The following TASOR2 variants were observed in gnomAD, a reference collection of about 807,000 sequenced individuals.
TASOR2 encodes protein TASOR 2.
In TASOR2, 84 loss-of-function variants were observed where a neutral mutation model predicts 199.5. The observed-to-expected ratio is 0.42, with a 90% CI of 0.35 to 0.50. The LOEUF (loss-of-function observed/expected upper bound fraction) is 0.50, where lower values mean the gene tolerates loss of function less well. Ranked by LOEUF, TASOR2 falls within the 20% of genes least tolerant of loss-of-function variation. The probability of loss-of-function intolerance (pLI) is 0.02; values close to 1 mark genes in which losing one functional copy is unlikely to be tolerated. For synonymous variants in TASOR2, 1,103 were observed against 1,046.6 expected (o/e 1.05, Z -1.04); for missense variants, 2,796 against 2,835.9 (o/e 0.99, Z 0.32).
intron 17 of TASOR2, among the ~76,000 whole-genome samples, chr10:5,758,051 C>T (rs1839225824): frequency 6.6e-6 from 1 of 152,178 alleles, no homozygotes; most frequent in Admixed American, 6.5e-5. Flanking sequence ...GTCAACACCC[C>T]TACCATCTTG....
intron 11 of TASOR2, 38 bp from the exon 13 acceptor site, chr10:5,735,266 C>T (rs1348104428): frequency 6.3e-7 from 1 of 1,599,390 alleles, no homozygotes; most frequent in Admixed American, 1.8e-5. Flanking sequence ...GTATCTGGGC[C>T]CCTACCCCTT....
chr10:5,747,582 C>T (rs775324852), exon 15 of TASOR2: 4 of 1,614,110 alleles, frequency 2.5e-6, no homozygotes, highest in South Asian at 2.2e-5. Context: ...TTAATGTGAC[C>T]TCTGATTTTC....
In TASOR2 at chr10:5,730,353, A is replaced by G. The variant is rs1165074828; in HGVS notation, c.488-134A>G. ...ACCTCTAAGTCTTCTATTAATTGCC[A>G]TTTAGGTTGTCATTTGAAATACTAT... On this transcript the variant is annotated intron_variant, in intron 10 of 20. Coordinates refer to ENST00000328090, the Ensembl canonical transcript of TASOR2. This position sits in a 1 kb window ranked among gnomAD's most constrained non-coding sequence, Gnocchi z 4.1. 3 of 653,678 alleles carry G rather than the reference A, an allele frequency of 4.6e-6. No homozygotes were observed. Among genetic ancestry groups the G allele is most frequent in the Non-Finnish European group, 7.6e-6 (3 of 396,722 alleles). The allele number at this position is 653,678 out of a possible 1,614,324, so 40.5% of individuals were successfully genotyped here. A position where few individuals can be genotyped will look rare whatever the true frequency, so the allele number is the denominator to read the frequency against.
chr10:5,759,600 G>C (rs1588939259), intron 18 of TASOR2, among the ~76,000 whole-genome samples: 1 of 152,210 alleles, frequency 6.6e-6, no homozygotes, highest in Non-Finnish European at 1.5e-5. Context: ...TTTTCATTCA[G>C]ACTTCATCCC....
intron 17 of TASOR2, 105 bp from the exon 19 acceptor site, chr10:5,758,782 T>TA: frequency 1.3e-6 from 1 of 774,044 alleles, no homozygotes; most frequent in Non-Finnish European, 2.1e-6. Context: ...CCATGGGTCT[T>TA]AGTCTGTTTT....
chr10:5,726,252 C>T (rs1834049713), intron 8 of TASOR2, among the ~76,000 whole-genome samples: 2 of 152,136 alleles, frequency 1.3e-5, no homozygotes, highest in Non-Finnish European at 2.9e-5. Context: ...AAAACTGCCC[C>T]AGTTACTGAA....
Position 5,749,240 on chromosome 10 carries a change from C to T in TASOR2, c.5819C>T (p.Thr1940Ile), listed in dbSNP as rs371950969. ...AAAGAACTCAAAGATACCATGAGAA[C>T]TTCACACGGCCTGAGGAGGCACCCG... The change falls in exon 15 of 21, where the codon ACT becomes ATT. Residue 1940 changes from threonine to isoleucine, a missense_variant. Thr to Ile is a moderately conservative substitution (Grantham distance 89). Around this residue, in one of 3 missense-constraint regions of TASOR2, gnomAD observed 1,941 missense variants for 1,924.9 expected, o/e 1.01. Transcript: ENST00000328090. The T allele has an allele frequency of 3.4e-5, 55 of 1,614,220 alleles. No individual in the cohort carries two copies. The East Asian group carries it at 7.8e-4, about 23-fold the overall frequency.
intron 1 of TASOR2, among the ~76,000 whole-genome samples, chr10:5,700,393 C>T (rs934496068): frequency 1.3e-5 from 2 of 151,914 alleles, no homozygotes; most frequent in Non-Finnish European, 2.9e-5. Context: ...GCAGTAAATA[C>T]GGGAGTGCAG....
chr10:5,741,946 C>G, intron 13 of TASOR2, 151 bp from the exon 15 acceptor site: 1 of 679,280 alleles, frequency 1.5e-6, no homozygotes, highest in Non-Finnish European at 2.5e-6. Context: ...GTTAAGTCAA[C>G]TACATATTTA....
At chr10:5,703,982 G>A (rs1051791914) in intron 1 of TASOR2, among the ~76,000 whole-genome samples, 3 of 151,800 alleles carry the variant, frequency 2.0e-5, no homozygotes, top group Non-Finnish European at 4.4e-5. Flanking sequence ...CAGCACTTTG[G>A]GGGGCCCAGG....
chr10:5,746,959 A>C (rs752318070), exon 15 of TASOR2: 1 of 1,614,156 alleles, frequency 6.2e-7, no homozygotes, highest in Admixed American at 1.7e-5. Context: ...AGTGAGATGC[A>C]CTCAGGATTT....
rs189652490 is a variant in TASOR2 at position 5,720,762 on chromosome 10, C to T, written c.34C>T (p.Arg12Cys). 545 of 1,612,476 alleles carry T rather than the reference C, an allele frequency of 3.4e-4. 4 individuals are homozygous for T. The East Asian group carries it at 0.011, about 32-fold the overall frequency. ...TCTTTCTTTTTCTGCTAGACTTGAA[C>T]GCAGTGAAAATGGTAAGAAATAGTT... Residue 12 changes from arginine (R) to cysteine (C), a missense_variant, in exon 5 of 21, where the codon CGC becomes TGC. Around this residue, in one of 3 missense-constraint regions of TASOR2, gnomAD observed 847 missense variants for 887.4 expected, o/e 0.95. Coordinates refer to ENST00000328090, the Ensembl canonical transcript of TASOR2. The surrounding 1 kb of genome is among the most constrained non-coding windows in gnomAD (Gnocchi z 5.3).
At chr10:5,760,073 A>G (rs779896905) in intron 18 of TASOR2, among the ~76,000 whole-genome samples, 4 of 152,260 alleles carry the variant, frequency 2.6e-5, no homozygotes, top group South Asian at 2.1e-4. Context: ...GAGAAACGTC[A>G]TAAGACGATT....
rs1838642914 is a variant in TASOR2 at position 5,706,576 on chromosome 10, T to C, written c.-287-6247T>C. Among the ~76,000 whole-genome samples, 1 of 152,250 alleles carries C rather than the reference T, an allele frequency of 6.6e-6. No individual in the cohort carries two copies. Among genetic ancestry groups the C allele is most frequent in the Non-Finnish European group, 1.5e-5 (1 of 68,046 alleles). On this transcript the variant is annotated intron_variant, in intron 1 of 20. Coordinates refer to ENST00000328090, the Ensembl canonical transcript of TASOR2. The surrounding 1 kb of genome is among the most constrained non-coding windows in gnomAD (Gnocchi z 4.8). ...TATCCAGAGGATATTGTTAGTTCTC[T>C]AGAATTTCAAGCTGAAATAATGATT...
intron 2 of TASOR2, 165 bp downstream of exon 3, chr10:5,714,372 G>T (rs1185152428): frequency 2.5e-6 from 1 of 405,326 alleles, no homozygotes; most frequent in African/African-American, 2.1e-5. Flanking sequence ...AATGAGATTT[G>T]AGTCTAAAAC....
rs752016761 is a variant in TASOR2 at position 5,748,957 on chromosome 10, G to A, written c.5536G>A (p.Glu1846Lys). Residue 1846 changes from glutamate to lysine, a missense_variant, in exon 15 of 21, where the codon GAG (glutamate) becomes AAG (lysine). Glu to Lys is a moderately conservative substitution (Grantham distance 56). Coordinates refer to ENST00000328090, the Ensembl canonical transcript of TASOR2. The surrounding 1 kb of genome is among the most constrained non-coding windows in gnomAD (Gnocchi z 5.1). ...TTGTAGAAATCCCAGACTGGATTTG[G>A]AGGATTCTTATACTTTAAGAGGTAG... 1.5e-5 allele frequency: 24 copies of A among 1,613,976 alleles called. No individual in the cohort carries two copies.
Position 5,714,766 on chromosome 10 carries a change from G to A in TASOR2, c.-192+1848G>A, listed in dbSNP as rs1433652513. ...AGACTGGAAAGTGTTTAGCCCAGGA[G>A]TTTGCACCTAGTAAGTTCTCAGTAA... On this transcript the variant is annotated intron_variant, in intron 2 of 20. Coordinates refer to ENST00000328090, the Ensembl canonical transcript of TASOR2. Among the ~76,000 whole-genome samples the A allele has an allele frequency of 3.9e-5, 6 of 152,188 alleles. No homozygotes were observed. In the East Asian group the frequency reaches 9.6e-4, roughly 24 times the overall value.
intron 1 of TASOR2, among the ~76,000 whole-genome samples, chr10:5,691,033 T>C (rs1242898551): frequency 6.6e-6 from 1 of 151,720 alleles, no homozygotes; most frequent in Non-Finnish European, 1.5e-5. Flanking sequence ...ACTACTAAAA[T>C]ACAAAAAATT....
chr10:5,754,476 G>A lies in TASOR2; in HGVS notation c.6607-2137G>A, dbSNP rs949390022. ...GCGATCTCAGCTCACTGCAGCCTCC[G>A]TCTTCTGGTTTCAAGTGATTCTCCT... On this transcript the variant is annotated intron_variant, in intron 15 of 20. Transcript: ENST00000328090. The surrounding 1 kb of genome is among the most constrained non-coding windows in gnomAD (Gnocchi z 4.3). 2.0e-5 allele frequency among the ~76,000 whole-genome samples: 3 copies of A among 151,708 alleles called. No individual in the cohort carries two copies. Among genetic ancestry groups the A allele is most frequent in the Admixed American group, 6.6e-5 (1 of 15,228 alleles).
Sources: gnomAD v4.1 joint callset for allele counts (sites outside exome capture counted in the v4.1 genomes callset) on GRCh38, gnomAD v4.1.1 for gene constraint, gnomAD v4.1.1 regional missense constraint, Gnocchi (gnomAD v3.1) non-coding constraint, MANE v1.5 for transcripts, NCBI Gene and HGNC (gene_info 2026-07-23, HGNC 2026-07-21) for gene names.